RAB38: variants seen among roughly 807,000 people sequenced by gnomAD.
The protein encoded by RAB38 is RAB38, member RAS oncogene family.
A neutral mutation model predicts 18.4 loss-of-function variants in RAB38; 15 were observed. That is an observed-to-expected ratio of 0.82 (90% CI 0.55 to 1.26). The LOEUF (loss-of-function observed/expected upper bound fraction) is 1.26, where lower values mean the gene tolerates loss of function less well. Among genes scored for constraint, RAB38 ranks in the 50% most tolerant of loss-of-function variants. The pLI is 0.00. For synonymous variants in RAB38, 101 were observed against 104.4 expected, an observed-to-expected ratio of 0.97 and a Z score of 0.20; for missense variants, 294 against 267.4, an observed-to-expected ratio of 1.10 and a Z score of -0.69.
chr11:87,846,278 T>C, the RAB38 span, among the ~76,000 whole-genome samples: 1 of 152,168 alleles, frequency 6.6e-6, no homozygotes, highest in Admixed American at 6.5e-5. Context: ...ATTGGTTTCG[T>C]TACTCCAATT....
the RAB38 span, among the ~76,000 whole-genome samples, chr11:87,864,736 G>A: frequency 1.3e-5 from 2 of 151,706 alleles, no homozygotes; most frequent in African/African-American, 4.8e-5. Flanking sequence ...AACACTACAT[G>A]GGTGAAAGAA....
At chr11:87,970,213 C>G in the RAB38 span, among the ~76,000 whole-genome samples, 4 of 151,938 alleles carry the variant, frequency 2.6e-5, no homozygotes, top group South Asian at 2.1e-4. Context: ...GAAAATAATA[C>G]TTTAATGTGG....
the RAB38 span, among the ~76,000 whole-genome samples, chr11:88,085,506 T>A: frequency 6.6e-6 from 1 of 151,938 alleles, no homozygotes; most frequent in Non-Finnish European, 1.5e-5. Flanking sequence ...GTAACTACCT[T>A]GTCTAAATGG....
the RAB38 span, among the ~76,000 whole-genome samples, chr11:87,851,986 A>G: frequency 6.6e-6 from 1 of 152,178 alleles, no homozygotes; most frequent in Non-Finnish European, 1.5e-5. Context: ...AAACAGTTAA[A>G]CTATATTTTT....
chr11:88,134,452 G>A (rs1267184434), intron 2 of RAB38, among the ~76,000 whole-genome samples: 2 of 152,114 alleles, frequency 1.3e-5, no homozygotes, highest in African/African-American at 4.8e-5. Context: ...ATGTTGGCCA[G>A]GCTGGTCGCA....
chr11:87,969,907 C>A, the RAB38 span, among the ~76,000 whole-genome samples: 1 of 152,012 alleles, frequency 6.6e-6, no homozygotes, highest in African/African-American at 2.4e-5. Context: ...AGAAACAGCC[C>A]CATATTTGAG....
At chr11:87,940,934 G>A in the RAB38 span, among the ~76,000 whole-genome samples, 3 of 151,888 alleles carry the variant, frequency 2.0e-5, no homozygotes, top group Non-Finnish European at 4.4e-5. Context: ...GCCCAGCCCA[G>A]AAGGGTTATA....
At chr11:88,118,207 A>G (rs1942583032) in intron 2 of RAB38, among the ~76,000 whole-genome samples, 1 of 152,250 alleles carries the variant, frequency 6.6e-6, no homozygotes, top group African/African-American at 2.4e-5. Context: ...TCCAGCATGC[A>G]AGGTAGGAGC....
At chr11:87,969,576 T>C in the RAB38 span, among the ~76,000 whole-genome samples, 5 of 152,162 alleles carry the variant, frequency 3.3e-5, no homozygotes, top group Non-Finnish European at 7.3e-5. Context: ...ATCAAAATTT[T>C]GGAACATCCA....
At chr11:87,869,790 A>G in the RAB38 span, among the ~76,000 whole-genome samples, 2 of 151,664 alleles carry the variant, frequency 1.3e-5, no homozygotes, top group Admixed American at 1.3e-4. Flanking sequence ...ATTCCTGCAG[A>G]GCCATCTCTT....
chr11:87,907,088 T>C, the RAB38 span, among the ~76,000 whole-genome samples: 7 of 151,886 alleles, frequency 4.6e-5, no homozygotes, highest in East Asian at 1.9e-4. Context: ...ACAACAAAGA[T>C]TGTTAGATTA....
intron 2 of RAB38, among the ~76,000 whole-genome samples, chr11:88,118,014 TA>T (rs1267778975): frequency 3.9e-5 from 6 of 152,148 alleles, no homozygotes; most frequent in African/African-American, 1.4e-4. Context: ...CACACACTAG[TA>T]ATTGGGATGG....
At chr11:88,039,530 C>T in the RAB38 span, among the ~76,000 whole-genome samples, 1 of 152,012 alleles carries the variant, frequency 6.6e-6, no homozygotes, top group African/African-American at 2.4e-5. Flanking sequence ...ACTTAGGAGC[C>T]TCTGGAGAGG....
the RAB38 span, among the ~76,000 whole-genome samples, chr11:88,069,478 C>T: frequency 1.9e-4 from 29 of 152,312 alleles, no homozygotes; most frequent in African/African-American, 6.3e-4. Flanking sequence ...GGCCCTGGTG[C>T]GGGATCCACT....
At chr11:88,024,537 A>C in the RAB38 span, among the ~76,000 whole-genome samples, 1 of 152,226 alleles carries the variant, frequency 6.6e-6, no homozygotes. Flanking sequence ...TGCTGGGTAT[A>C]TACCCAAAAG....
chr11:88,064,218 A>G, the RAB38 span, among the ~76,000 whole-genome samples: 1 of 152,226 alleles, frequency 6.6e-6, no homozygotes. Context: ...AGAGAGTATA[A>G]TAAAAATGTG....
intron 2 of RAB38, among the ~76,000 whole-genome samples, chr11:88,132,658 C>T (rs1942779640): frequency 6.6e-6 from 1 of 151,914 alleles, no homozygotes. Context: ...GGGGTTTCTC[C>T]ATATTGGTCA....
At chr11:88,045,989 T>C in the RAB38 span, among the ~76,000 whole-genome samples, 8 of 152,154 alleles carry the variant, frequency 5.3e-5, no homozygotes, top group Non-Finnish European at 1.2e-4. Flanking sequence ...TGATTATTCC[T>C]GGGCTACAGC....
At chr11:87,836,332 C>T in the RAB38 span, among the ~76,000 whole-genome samples, 3 of 152,202 alleles carry the variant, frequency 2.0e-5, no homozygotes, top group Admixed American at 2.0e-4. Flanking sequence ...TCTGGCATTC[C>T]TTTTTCTGGC....
Sources: gnomAD v4.1 joint callset for allele counts (sites outside exome capture counted in the v4.1 genomes callset) on GRCh38, gnomAD v4.1.1 for gene constraint, MANE v1.5 for transcripts, NCBI Gene and HGNC (gene_info 2026-07-23, HGNC 2026-07-21) for gene names.